The following METTL2A variants were observed in gnomAD, a reference collection of about 807,000 sequenced individuals.
METTL2A encodes the protein tRNA N(3)-cytidine methyltransferase METTL2A.
Under a neutral mutation model 49.4 loss-of-function variants are expected in METTL2A, and 45 were observed. The ratio of observed to expected loss-of-function variants is 0.91; its 90% confidence interval spans 0.72 to 1.17. The LOEUF is 1.17. METTL2A is among the 50% of genes most tolerant of loss of function. The pLI, the probability that METTL2A is intolerant of heterozygous loss-of-function variation, is 0.00. For missense variants in METTL2A, 361 were observed against 462.2 expected, an observed-to-expected ratio of 0.78 and a Z score of 2.01; for synonymous variants, 118 against 167.5, an observed-to-expected ratio of 0.70 and a Z score of 2.28.
chr17:62,447,587 T>A (rs2070777546), intron 7 of METTL2A, 114 bp from the exon 8 acceptor site: 1 of 1,110,792 alleles, frequency 9.0e-7, no homozygotes, highest in Non-Finnish European at 1.3e-6. Flanking sequence ...CCCGAAGCAC[T>A]GAGGCAGGAG....
chr17:62,425,873 C>T (rs1034884745), intron 2 of METTL2A, among the ~76,000 whole-genome samples: 9 of 151,230 alleles, frequency 6.0e-5, no homozygotes, highest in East Asian at 4.0e-4. Context: ...TGGTGGCAGG[C>T]GCCTGTAGTC....
At chr17:62,439,372 T>G (rs1325296784) in intron 5 of METTL2A, among the ~76,000 whole-genome samples, 1 of 152,204 alleles carries the variant, frequency 6.6e-6, no homozygotes, top group African/African-American at 2.4e-5. Context: ...CCCAGGGTGC[T>G]GGGATTCTAG....
In METTL2A at chr17:62,452,676, C is replaced by T. The variant is rs932186693; in HGVS notation, c.*3947C>T. Among the ~76,000 whole-genome samples, 3 of 152,164 alleles carry T rather than the reference C, an allele frequency of 2.0e-5. No individual in the cohort carries two copies. The East Asian group carries it at 5.8e-4, about 29-fold the overall frequency. ...TCACCCAGGCTGGAATGCAGCAGCA[C>T]GATCACTGCTCACTGCAGCCTCGAC... On this transcript the variant is annotated 3_prime_UTR_variant, in exon 9 of 9. Coordinates refer to ENST00000311506, the MANE Select transcript of METTL2A (RefSeq NM_181725.4).
chr17:62,431,759 T>C (rs8072249), intron 4 of METTL2A, among the ~76,000 whole-genome samples: 5,102 of 152,114 alleles, frequency 0.034, 288 homozygotes, highest in African/African-American at 0.11. Flanking sequence ...CTTGCCCTGT[T>C]GCCCAGGCTG....
chr17:62,441,634 GC>G (rs1243360199), intron 6 of METTL2A, among the ~76,000 whole-genome samples: 2 of 151,202 alleles, frequency 1.3e-5, no homozygotes, highest in Non-Finnish European at 2.9e-5. Context: ...TTTAGTAGAT[GC>G]GGGGTTTCAC....
intron 4 of METTL2A, among the ~76,000 whole-genome samples, chr17:62,431,931 G>A (rs1243410309): frequency 1.3e-5 from 2 of 152,236 alleles, no homozygotes; most frequent in Admixed American, 6.5e-5. Context: ...GTGTTGGCCA[G>A]GCTGGTCTCA....
At chr17:62,448,461 A>G (rs2070783066) in intron 8 of METTL2A, 114 bp from the exon 9 acceptor site, 2 of 1,506,986 alleles carry the variant, frequency 1.3e-6, no homozygotes, top group East Asian at 2.3e-5. Flanking sequence ...CCAAATGGCC[A>G]TGTAAAAAAC....
chr17:62,440,082 A>G lies in METTL2A; in HGVS notation c.670-535A>G, dbSNP rs113924534. On this transcript the variant is annotated intron_variant, in intron 5 of 8. Coordinates refer to ENST00000311506, the MANE Select transcript of METTL2A (RefSeq NM_181725.4). ...CTCTTGTTGCCCAGGCTGGAGTGCA[A>G]TGGTGCAATCTCGGCTCACTGCAAC... 7.5e-3 allele frequency among the ~76,000 whole-genome samples: 1,123 copies of G among 149,360 alleles called. 6 individuals carry two copies. The highest frequency in any genetic ancestry group is 0.011 in the Non-Finnish European group (733 of 67,484).
Position 62,448,899 on chromosome 17 carries a change from C to A in METTL2A, c.*170C>A, listed in dbSNP as rs1223672314. ...CCAACCTGGGCAAAATAGTGAGAGA[C>A]CCTGTATCTGAAAGTAATAATAAAA... is the stretch of plus-strand genomic sequence containing the variant. On this transcript the variant is annotated 3_prime_UTR_variant, in exon 9 of 9. Transcript: ENST00000311506. 4.7e-6 allele frequency: 4 copies of A among 853,420 alleles called. No individual in the cohort carries two copies. The East Asian group carries it at 1.1e-4, about 24-fold the overall frequency. 52.9% of individuals were successfully genotyped at this position (853,420 alleles called of 1,614,324 possible).
intron 5 of METTL2A, among the ~76,000 whole-genome samples, chr17:62,439,724 G>A (rs1013023996): frequency 2.6e-5 from 4 of 151,740 alleles, no homozygotes; most frequent in African/African-American, 4.8e-5. Context: ...GAACCACCGC[G>A]TGCTTATTTA....
chr17:62,428,669 G>A (rs2070644337), intron 4 of METTL2A, among the ~76,000 whole-genome samples: 1 of 152,220 alleles, frequency 6.6e-6, no homozygotes. Flanking sequence ...GCCAGCTGAA[G>A]AAGTAATTAG....
intron 2 of METTL2A, among the ~76,000 whole-genome samples, chr17:62,424,815 A>G (rs2070612348): frequency 6.6e-6 from 1 of 151,810 alleles, no homozygotes; most frequent in African/African-American, 2.4e-5. Context: ...AGCAGAGTGG[A>G]GATAAGTCTG....
At position 62,444,958 on chromosome 17, in the gene METTL2A, C is replaced by G; in HGVS notation, c.916+15C>G. 1 of 1,612,100 alleles carries G rather than the reference C, an allele frequency of 6.2e-7. No individual in the cohort carries two copies. The highest frequency in any genetic ancestry group is 1.1e-5 in the South Asian group (1 of 91,022). On this transcript the variant is annotated intron_variant, in intron 7 of 8. Transcript: ENST00000311506. ...GTTTAAAAAAGGTATTTTGAAAGTG[C>G]TGAATCCTAACCACTAGAGATCATG...
chr17:62,452,786 T>C lies in METTL2A; in HGVS notation c.*4057T>C, dbSNP rs2070812570. Among the ~76,000 whole-genome samples, 1 of 152,092 alleles carries C rather than the reference T, an allele frequency of 6.6e-6. No homozygotes were observed. The highest frequency in any genetic ancestry group is 6.6e-5 in the Admixed American group (1 of 15,262). On this transcript the variant is annotated 3_prime_UTR_variant, in exon 9 of 9. Transcript: ENST00000311506. ...GTGCCACCAAGCCTAATTTTTGTAT[T>C]TTTTGTAGAGACAGGGTTTCATCAT... is the stretch of plus-strand genomic sequence containing the variant.
intron 7 of METTL2A, among the ~76,000 whole-genome samples, chr17:62,447,147 G>A (rs1293207090): frequency 2.0e-5 from 3 of 152,040 alleles, no homozygotes; most frequent in Non-Finnish European, 2.9e-5. Flanking sequence ...GGCCAGGCAC[G>A]GTGGCTCATG....
rs555535653 is a variant in METTL2A, at chr17:62,447,235, A to G, written c.917-466A>G. ...GGAGTTTGAGACCAGCCTGGCCAACATGGTGAAACCCTGACTCTACTAAAA... is the reference window on the plus strand; with the variant it reads ...GGAGTTTGAGACCAGCCTGGCCAACGTGGTGAAACCCTGACTCTACTAAAA... On this transcript the variant is annotated intron_variant, in intron 7 of 8. Coordinates refer to ENST00000311506, the MANE Select transcript of METTL2A (RefSeq NM_181725.4). Among the ~76,000 whole-genome samples the G allele has an allele frequency of 2.0e-5, 3 of 152,294 alleles. No homozygotes were observed. The East Asian group carries it at 5.8e-4, about 29-fold the overall frequency.
chr17:62,443,756 A>T (rs2070751511), intron 6 of METTL2A, among the ~76,000 whole-genome samples: 1 of 151,846 alleles, frequency 6.6e-6, no homozygotes, highest in Non-Finnish European at 1.5e-5. Context: ...TCCCTGGCTA[A>T]TTTTTTTGTA....
In METTL2A at chr17:62,447,760, A is replaced by G; in HGVS notation, c.976A>G (p.Thr326Ala). Residue 326 changes from threonine to alanine, a missense_variant, in exon 8 of 9, where the codon ACA (threonine) becomes GCA (alanine). Physicochemically the swap from Thr to Ala is moderately conservative, Grantham distance 58 (BLOSUM62 0). Around this residue, in one of 3 missense-constraint regions of METTL2A, gnomAD observed 183 missense variants for 216.5 expected, o/e 0.85. Coordinates refer to ENST00000311506, the MANE Select transcript of METTL2A (RefSeq NM_181725.4). ...TGATGGAACCAGAGTTTACTTCTTC[A>G]CACAAGGTATGAAACACCCATCTTT... ...RGDGTRVYFF[T>A]QEELDTLFTT... 1 of 1,614,178 alleles carries G rather than the reference A, an allele frequency of 6.2e-7. No individual in the cohort carries two copies. Among genetic ancestry groups the G allele is most frequent in the Non-Finnish European group, 8.5e-7 (1 of 1,180,004 alleles).
At chr17:62,426,982 G>T (rs1446854727) in intron 3 of METTL2A, among the ~76,000 whole-genome samples, 1 of 152,094 alleles carries the variant, frequency 6.6e-6, no homozygotes, top group East Asian at 1.9e-4. Flanking sequence ...TATAACTCTG[G>T]AAAAAAGTCC....
Sources: gnomAD v4.1 joint callset for allele counts (sites outside exome capture counted in the v4.1 genomes callset) on GRCh38, gnomAD v4.1.1 for gene constraint, gnomAD v4.1.1 regional missense constraint, MANE v1.5 for transcripts, NCBI Gene and HGNC (gene_info 2026-07-23, HGNC 2026-07-21) for gene names.